The following ATP2B2 variants were observed in gnomAD, a reference collection of about 807,000 sequenced individuals.
ATP2B2 encodes the protein plasma membrane calcium-transporting ATPase 2.
ATP2B2 carries 15 observed loss-of-function variants against 120.0 expected under a neutral mutation model. The ratio of observed to expected loss-of-function variants is 0.12; its 90% confidence interval spans 0.08 to 0.19. The LOEUF (loss-of-function observed/expected upper bound fraction) is 0.19. Among genes scored for constraint, ATP2B2 ranks in the 10% least tolerant of loss-of-function variants. The pLI, the probability that ATP2B2 is intolerant of heterozygous loss-of-function variation, is 1.00. For missense variants in ATP2B2, 1,045 were observed against 1,719.8 expected, an observed-to-expected ratio of 0.61 and a Z score of 6.94; for synonymous variants, 694 against 700.3, an observed-to-expected ratio of 0.99 and a Z score of 0.14.
intron 1 of ATP2B2, among the ~76,000 whole-genome samples, chr3:10,688,907 A>G (rs772273080): frequency 7.2e-5 from 11 of 152,212 alleles, no homozygotes; most frequent in Non-Finnish European, 1.5e-4. Context: ...AGCAATCACC[A>G]GGCTCTTTCC....
chr3:10,662,460 A>G (rs1176473888), intron 1 of ATP2B2, among the ~76,000 whole-genome samples: 5 of 137,176 alleles, frequency 3.6e-5, no homozygotes, highest in Admixed American at 3.5e-4. Context: ...TCAAAAGAAG[A>G]CATTTATGCA....
chr3:10,481,453 C>T (rs1193922855), intron 1 of ATP2B2, among the ~76,000 whole-genome samples: 1 of 152,134 alleles, frequency 6.6e-6, no homozygotes, highest in East Asian at 1.9e-4. Flanking sequence ...GCTCAAATGG[C>T]ACCTCCTCAG....
At chr3:10,425,952 C>G (rs2063133325) in intron 2 of ATP2B2, among the ~76,000 whole-genome samples, 1 of 152,122 alleles carries the variant, frequency 6.6e-6, no homozygotes, top group Non-Finnish European at 1.5e-5. Context: ...CAGAGAAAAT[C>G]CATTAGAGAA....
intron 8 of ATP2B2, among the ~76,000 whole-genome samples, chr3:10,381,123 C>T (rs565451426): frequency 1.2e-4 from 19 of 152,296 alleles, no homozygotes; most frequent in Non-Finnish European, 2.1e-4. Context: ...GTGGCTTCCC[C>T]GAACCTCGCC....
At chr3:10,637,366 AT>A (rs1432178723) in intron 1 of ATP2B2, among the ~76,000 whole-genome samples, 2 of 152,248 alleles carry the variant, frequency 1.3e-5, no homozygotes, top group African/African-American at 2.4e-5. Context: ...ACTGAATCAG[AT>A]GTTAGAATTA....
chr3:10,387,362 T>C (rs935656157), intron 6 of ATP2B2, among the ~76,000 whole-genome samples: 16 of 151,340 alleles, frequency 1.1e-4, no homozygotes, highest in Non-Finnish European at 2.9e-5. Context: ...GATTAGCCTC[T>C]GAGAGCTGGA....
chr3:10,602,288 C>T (rs2068945196), intron 2 of ATP2B2, among the ~76,000 whole-genome samples: 1 of 152,218 alleles, frequency 6.6e-6, no homozygotes, highest in Non-Finnish European at 1.5e-5. Flanking sequence ...TGCTCACATC[C>T]CGGGACTTTC....
At chr3:10,453,848 CCACCCACCCATCAATCCACA>C (rs1194804584) in intron 1 of ATP2B2, among the ~76,000 whole-genome samples, 7 of 151,778 alleles carry the variant, frequency 4.6e-5, no homozygotes, top group African/African-American at 1.5e-4. Flanking sequence ...ATCTATCCAC[CCACCCACCCATCAATCCACA>C]CACCCACCCA....
intron 1 of ATP2B2, among the ~76,000 whole-genome samples, chr3:10,694,396 T>A (rs1304302987): frequency 6.6e-6 from 1 of 152,264 alleles, no homozygotes; most frequent in African/African-American, 2.4e-5. Context: ...TCACTAATGT[T>A]ACATAAATGA....
intron 1 of ATP2B2, chr3:10,619,986 G>T (rs2069501157): frequency 6.6e-6 from 1 of 152,298 alleles, no homozygotes; most frequent in African/African-American, 2.4e-5. Flanking sequence ...GAGCAGAAAA[G>T]CACGTTAAGG....
chr3:10,661,585 C>T (rs1020436808), intron 1 of ATP2B2, among the ~76,000 whole-genome samples: 11 of 152,088 alleles, frequency 7.2e-5, no homozygotes, highest in African/African-American at 2.4e-4. Flanking sequence ...AACCACTGCT[C>T]AATGAAATAA....
chr3:10,467,437 C>T (rs1232945454), intron 1 of ATP2B2, among the ~76,000 whole-genome samples: 1 of 152,164 alleles, frequency 6.6e-6, no homozygotes, highest in Non-Finnish European at 1.5e-5. Flanking sequence ...CAGCTGATCC[C>T]TCCATGGGGC....
rs34707434 is a variant in ATP2B2, at chr3:10,535,385, A to ATGTGTGTGTG, written c.-414-1262_-414-1253dup. Among the ~76,000 whole-genome samples, 374 of 147,156 alleles carry ATGTGTGTGTG rather than the reference A, an allele frequency of 2.5e-3. 1 individual carries two copies. Among genetic ancestry groups the ATGTGTGTGTG allele is most frequent in the South Asian group, 9.1e-3 (41 of 4,492 alleles). On this transcript the variant is annotated intron_variant, in intron 2 of 21. Coordinates refer to the ATP2B2 transcript ENST00000646379. ...TACAGCGCTTGCATGCAGCAGTTTG[A>ATGTGTGTGTG]TGTGTGTGTGTGTGTGTGTGTGTGT...
chr3:10,382,869 A>G (rs2061571403), intron 8 of ATP2B2, among the ~76,000 whole-genome samples: 1 of 151,624 alleles, frequency 6.6e-6, no homozygotes, highest in African/African-American at 2.4e-5. Context: ...TCCATATCCA[A>G]GTCATTGTGA....
chr3:10,701,784 A>G (rs2071823142), intron 1 of ATP2B2, among the ~76,000 whole-genome samples: 1 of 152,124 alleles, frequency 6.6e-6, no homozygotes, highest in African/African-American at 2.4e-5. Flanking sequence ...TGTATGATGG[A>G]AGAAAGGTGG....
intron 1 of ATP2B2, among the ~76,000 whole-genome samples, chr3:10,460,974 A>G (rs893656876): frequency 6.6e-5 from 10 of 152,134 alleles, no homozygotes; most frequent in Admixed American, 6.5e-4. Flanking sequence ...TGGATAGTTG[A>G]GTGAGTCCTT....
At chr3:10,358,960 G>A (rs748739734) in intron 13 of ATP2B2, 35 bp from the exon 14 acceptor site, 4 of 1,598,874 alleles carry the variant, frequency 2.5e-6, no homozygotes, top group Non-Finnish European at 3.4e-6. Context: ...GGGAGCCCAG[G>A]GAATGCTCCT....
intron 2 of ATP2B2, among the ~76,000 whole-genome samples, chr3:10,441,597 G>A (rs1406189797): frequency 1.3e-5 from 2 of 152,194 alleles, no homozygotes; most frequent in Non-Finnish European, 2.9e-5. Flanking sequence ...TTGAAGGCCG[G>A]CCCTGTCCCC....
chr3:10,627,065 A>G (rs1025873714), intron 1 of ATP2B2, among the ~76,000 whole-genome samples: 9 of 152,216 alleles, frequency 5.9e-5, no homozygotes, highest in African/African-American at 1.9e-4. Context: ...CCCCATGTGT[A>G]AAACAAGAGT....
Sources: allele counts gnomAD v4.1 joint callset (sites outside exome capture counted in the v4.1 genomes callset), GRCh38; gene constraint gnomAD v4.1.1; transcripts MANE v1.5; gene names NCBI Gene and HGNC (gene_info 2026-07-23, HGNC 2026-07-21).